Variants in NTM observed in about 807,000 individuals in gnomAD.
NTM encodes the protein IgLON family member 2.
Under a neutral mutation model 42.1 loss-of-function variants are expected in NTM, and 13 were observed. The observed-to-expected ratio is 0.31, with a 90% CI of 0.20 to 0.49. NTM has a LOEUF of 0.49. Among genes scored for constraint, NTM ranks in the 20% least tolerant of loss-of-function variants. The probability of loss-of-function intolerance (pLI) is 0.99; values close to 1 mark genes in which losing one functional copy is unlikely to be tolerated. For missense variants in NTM, 373 were observed against 452.8 expected (o/e 0.82, Z 1.60); for synonymous variants, 187 against 179.2 (o/e 1.04, Z -0.35).
intron 2 of NTM, among the ~76,000 whole-genome samples, chr11:131,999,733 TGA>T (rs1473466604): frequency 6.6e-6 from 1 of 152,254 alleles, no homozygotes; most frequent in African/African-American, 2.4e-5. Context: ...ACAGGCTATG[TGA>T]GAGAAAAACA....
chr11:131,492,071 C>G (rs1297714541), intron 1 of NTM, among the ~76,000 whole-genome samples: 1 of 152,180 alleles, frequency 6.6e-6, no homozygotes, highest in Non-Finnish European at 1.5e-5. Context: ...CTAGGTCACT[C>G]TGCTGGCACC....
At chr11:131,900,688 G>C (rs1402308087) in intron 1 of NTM, among the ~76,000 whole-genome samples, 2 of 151,876 alleles carry the variant, frequency 1.3e-5, no homozygotes, top group Non-Finnish European at 2.9e-5. Flanking sequence ...AGAGAGATTG[G>C]GTAATGAGGG....
At chr11:131,572,729 T>C (rs2057565258) in intron 1 of NTM, among the ~76,000 whole-genome samples, 1 of 152,148 alleles carries the variant, frequency 6.6e-6, no homozygotes, top group Admixed American at 6.5e-5. Flanking sequence ...AAGAGGCTAT[T>C]AAGGTGTGGC....
At chr11:132,030,055 G>A (rs2075721123) in intron 2 of NTM, among the ~76,000 whole-genome samples, 1 of 152,086 alleles carries the variant, frequency 6.6e-6, no homozygotes, top group Non-Finnish European at 1.5e-5. Context: ...GCAAAACATG[G>A]AGATTATCAT....
intron 4 of NTM, among the ~76,000 whole-genome samples, chr11:132,299,641 T>C (rs549957429): frequency 3.9e-5 from 6 of 152,314 alleles, no homozygotes; most frequent in African/African-American, 1.4e-4. Flanking sequence ...GAATGCTTTC[T>C]CTTATATGAT....
At chr11:131,888,688 T>C (rs1018711655) in intron 1 of NTM, among the ~76,000 whole-genome samples, 11 of 152,162 alleles carry the variant, frequency 7.2e-5, no homozygotes, top group Non-Finnish European at 1.2e-4. Flanking sequence ...CTGCCTCCTA[T>C]TTTCATATTT....
chr11:131,912,901 G>A (rs1156564384), intron 2 of NTM, among the ~76,000 whole-genome samples: 3 of 152,210 alleles, frequency 2.0e-5, no homozygotes, highest in Admixed American at 1.3e-4. Flanking sequence ...ACAGAGCTGA[G>A]TTATCAGGAC....
intron 2 of NTM, among the ~76,000 whole-genome samples, chr11:132,019,149 AT>A (rs530484583): frequency 6.7e-6 from 1 of 149,940 alleles, no homozygotes; most frequent in Non-Finnish European, 1.5e-5. Flanking sequence ...ACTTTCCCTA[AT>A]TTTTTTGTTT....
At chr11:131,952,497 T>A (rs565079338) in intron 2 of NTM, among the ~76,000 whole-genome samples, 56 of 152,352 alleles carry the variant, frequency 3.7e-4, no homozygotes, top group African/African-American at 1.3e-3. Flanking sequence ...ATGGGCATTT[T>A]AATTTTTTAT....
At chr11:131,660,331 G>T in intron 1 of NTM, 1 of 369,962 alleles carries the variant, frequency 2.7e-6, no homozygotes, top group South Asian at 2.0e-5. Flanking sequence ...ATGAAGAGGG[G>T]GATGGAGACC....
intron 1 of NTM, among the ~76,000 whole-genome samples, chr11:131,682,347 C>T (rs768036259): frequency 6.6e-6 from 1 of 152,218 alleles, no homozygotes; most frequent in Non-Finnish European, 1.5e-5. Context: ...AAAACAGCAG[C>T]TGTGGTTGCA....
chr11:131,962,354 A>G (rs544921506), intron 2 of NTM, among the ~76,000 whole-genome samples: 7 of 152,204 alleles, frequency 4.6e-5, no homozygotes, highest in Admixed American at 3.9e-4. Context: ...TCCAAAATTC[A>G]CCTGTTGAAA....
At chr11:131,774,017 CA>C in intron 1 of NTM, 1 of 984,240 alleles carries the variant, frequency 1.0e-6, no homozygotes, top group Non-Finnish European at 1.2e-6. Flanking sequence ...CATTTTTAAA[CA>C]AAATAGTCAA....
intron 1 of NTM, among the ~76,000 whole-genome samples, chr11:131,528,794 A>T (rs546072109): frequency 1.3e-5 from 2 of 152,176 alleles, no homozygotes; most frequent in African/African-American, 2.4e-5. Flanking sequence ...TCTACATCTA[A>T]CAGCCTATGA....
chr11:131,678,752 C>T (rs2071882417), intron 1 of NTM, among the ~76,000 whole-genome samples: 1 of 152,264 alleles, frequency 6.6e-6, no homozygotes, highest in South Asian at 2.1e-4. Flanking sequence ...CTGGATCTGT[C>T]CACTTTCTAT....
At chr11:131,924,789 A>G (rs2057725563) in intron 2 of NTM, among the ~76,000 whole-genome samples, 1 of 152,246 alleles carries the variant, frequency 6.6e-6, no homozygotes, top group African/African-American at 2.4e-5. Flanking sequence ...GGCTTCTGAG[A>G]GTTCAGAGAT....
intron 1 of NTM, among the ~76,000 whole-genome samples, chr11:131,746,852 G>T (rs924886204): frequency 6.6e-6 from 1 of 152,126 alleles, no homozygotes; most frequent in African/African-American, 2.4e-5. Flanking sequence ...CAATGAGTCA[G>T]TGATACCGAA....
chr11:131,754,622 C>T (rs2083073951), intron 1 of NTM, among the ~76,000 whole-genome samples: 1 of 36,844 alleles, frequency 2.7e-5, no homozygotes, highest in African/African-American at 7.2e-5. Context: ...GAGACCCCAA[C>T]TCCAAAAAAA....
intron 1 of NTM, among the ~76,000 whole-genome samples, chr11:131,403,488 C>G (rs1945471426): frequency 6.6e-6 from 1 of 152,078 alleles, no homozygotes; most frequent in African/African-American, 2.4e-5. Context: ...ACCTTCATAA[C>G]TAGATATTGC....
Sources: gnomAD v4.1 joint callset for allele counts (sites outside exome capture counted in the v4.1 genomes callset) on GRCh38, gnomAD v4.1.1 for gene constraint, MANE v1.5 for transcripts, NCBI Gene and HGNC (gene_info 2026-07-23, HGNC 2026-07-21) for gene names.